COL11A1: variants seen among roughly 807,000 people sequenced by gnomAD.
The protein encoded by COL11A1 is collagen type XI alpha 1 chain, also known as collagen alpha-1(XI) chain.
Under a neutral mutation model 265.2 loss-of-function variants are expected in COL11A1, and 74 were observed. That is an observed-to-expected ratio of 0.28 (90% CI 0.23 to 0.34). COL11A1 has a LOEUF of 0.34. COL11A1 is among the 10% of genes least tolerant of loss of function. The probability of loss-of-function intolerance (pLI) is 1.00; values close to 1 mark genes in which losing one functional copy is unlikely to be tolerated. For missense variants in COL11A1, 2,165 were observed against 2,263.6 expected (o/e 0.96, Z 0.88); for synonymous variants, 816 against 727.6 (o/e 1.12, Z -1.96).
At chr1:102,921,623 C>T (rs1479872239) in intron 47 of COL11A1, 52 bp from the exon 48 acceptor site, 1 of 1,413,460 alleles carries the variant, frequency 7.1e-7, no homozygotes, top group Non-Finnish European at 9.9e-7. Flanking sequence ...AATGTGTTTC[C>T]AACATTTTCA....
intron 14 of COL11A1, among the ~76,000 whole-genome samples, chr1:103,011,421 G>C (rs1666119820): frequency 6.6e-6 from 1 of 151,778 alleles, no homozygotes. Flanking sequence ...TGTTCCCCGT[G>C]AGCTTATATG....
At chr1:102,975,282 A>AT (rs1662360409) in intron 35 of COL11A1, among the ~76,000 whole-genome samples, 1 of 151,110 alleles carries the variant, frequency 6.6e-6, no homozygotes. Context: ...AAAAAAAAAA[A>AT]CTGTTTTAAA....
At chr1:103,042,594 G>A (rs1357729048) in intron 4 of COL11A1, among the ~76,000 whole-genome samples, 2 of 152,010 alleles carry the variant, frequency 1.3e-5, no homozygotes, top group South Asian at 4.1e-4. Flanking sequence ...GTTGGGAAGG[G>A]AAAAAGGTTG....
At chr1:102,951,637 G>C (rs950476527) in intron 41 of COL11A1, among the ~76,000 whole-genome samples, 1 of 152,164 alleles carries the variant, frequency 6.6e-6, no homozygotes, top group African/African-American at 2.4e-5. Flanking sequence ...CTACTCGGGA[G>C]GCTGAGGCAG....
intron 2 of COL11A1, among the ~76,000 whole-genome samples, chr1:103,082,454 C>T (rs915492542): frequency 6.6e-6 from 1 of 151,988 alleles, no homozygotes; most frequent in African/African-American, 2.4e-5. Flanking sequence ...TGAATAAGCT[C>T]TACCTAATTA....
intron 57 of COL11A1, among the ~76,000 whole-genome samples, chr1:102,892,042 A>C (rs758957869): frequency 3.3e-5 from 5 of 152,164 alleles, no homozygotes; most frequent in Admixed American, 2.0e-4. Flanking sequence ...CTGATGCTAA[A>C]AAAATGATTT....
At chr1:103,070,203 T>G (rs2102255778) in intron 4 of COL11A1, among the ~76,000 whole-genome samples, 1 of 86,530 alleles carries the variant, frequency 1.2e-5, no homozygotes, top group African/African-American at 3.9e-5. Flanking sequence ...AAAATCCTAC[T>G]CAGCAAAATA....
Position 103,108,224 on chromosome 1 carries a change from C to A in COL11A1, c.-46G>T. The stretch of plus-strand genomic sequence containing the variant: ...ACTGTGAACTCAACCCACGAAATTG[C>A]GACTGCAGACCAACTTCGTCCTTTC... On this transcript the variant is annotated 5_prime_UTR_variant, in exon 1 of 67. Transcript: ENST00000370096. 1 of 1,458,618 alleles carries A rather than the reference C, an allele frequency of 6.9e-7. No individual in the cohort carries two copies. The highest frequency in any genetic ancestry group is 9.6e-7 in the Non-Finnish European group (1 of 1,040,924). 90.4% of individuals were successfully genotyped at this position (1,458,618 alleles called of 1,614,324 possible).
At chr1:102,934,957 C>G (rs1230868966) in intron 45 of COL11A1, 103 bp downstream of exon 45, 6 of 1,094,632 alleles carry the variant, frequency 5.5e-6, no homozygotes, top group Non-Finnish European at 8.3e-6. Context: ...AACATACAAA[C>G]AAAACTTATT....
Position 103,074,696 on chromosome 1 carries a change from A to T in COL11A1, c.573T>A (p.Asp191Glu), listed in dbSNP as rs775444430. The T allele has an allele frequency of 6.2e-7, 1 of 1,613,404 alleles. No homozygotes were observed. The highest frequency in any genetic ancestry group is 1.7e-5 in the Admixed American group (1 of 59,840). The change falls in exon 4 of 67, where the codon GAT becomes GAA. Residue 191 changes from aspartate (D) to glutamate (E), a missense_variant. Transcript: ENST00000370096. The stretch of plus-strand genomic sequence containing the variant: ...TATCAACAATTGCTCTCTCACTTCT[A>T]TCAAGTGGTTTCGTGGTTTTCTTCT... ...DCKKKTTKPL[D>E]RSERAIVDTN...
At chr1:102,937,376 GTATT>G (rs1658257481) in intron 44 of COL11A1, among the ~76,000 whole-genome samples, 1 of 152,068 alleles carries the variant, frequency 6.6e-6, no homozygotes, top group African/African-American at 2.4e-5. Context: ...TAAATCCATA[GTATT>G]TATTTATAAT....
In COL11A1 at chr1:102,923,349, TC is replaced by T; in HGVS notation, c.3640del (p.Asp1214MetfsTer58). 2 of 1,606,606 alleles carry T rather than the reference TC, an allele frequency of 1.2e-6. No homozygotes were observed. The highest frequency in any genetic ancestry group is 1.7e-6 in the Non-Finnish European group (2 of 1,175,690). ...GPPGEKGENG[D>X]VGPMGPPGPP... ...ATAAAAACTTACCATGGGACCAACA[TC>T]CCCATTTTCACCTTTTTCACCAGGT... On this transcript the variant is annotated frameshift_variant, in exon 47 of 67. Coordinates refer to ENST00000370096, the MANE Select transcript of COL11A1 (RefSeq NM_001854.4). LOFTEE classifies it high-confidence loss of function.
chr1:103,003,706 A>G (rs1665340354), intron 20 of COL11A1, among the ~76,000 whole-genome samples: 2 of 152,196 alleles, frequency 1.3e-5, no homozygotes, highest in African/African-American at 4.8e-5. Context: ...CACTGAGGAA[A>G]GAAAACGATC....
In COL11A1 at chr1:102,974,725, G is replaced by T. The variant is rs1002469493; in HGVS notation, c.2808+105C>A. The T allele has an allele frequency of 1.3e-5, 11 of 834,862 alleles. No homozygotes were observed. The African/African-American group carries it at 1.6e-4, about 12-fold the overall frequency. The allele number at this position is 834,862 out of a possible 1,614,324, so 51.7% of individuals were successfully genotyped here. A position where few individuals can be genotyped will look rare whatever the true frequency, so the allele number is the denominator to read the frequency against. ...TTGACATCAATTGTAATTTTACAGAGATTTTATCAATATTATATCTAACAA... is the reference window on the plus strand; with the variant it reads ...TTGACATCAATTGTAATTTTACAGATATTTTATCAATATTATATCTAACAA... On this transcript the variant is annotated intron_variant, in intron 36 of 66. Coordinates refer to ENST00000370096, the MANE Select transcript of COL11A1 (RefSeq NM_001854.4).
In COL11A1 at chr1:102,946,960, G is replaced by T. The variant is rs2101408711; in HGVS notation, c.3169-4C>A. The T allele has an allele frequency of 2.5e-6, 4 of 1,607,876 alleles. No homozygotes were observed. Among genetic ancestry groups the T allele is most frequent in the Non-Finnish European group, 3.4e-6 (4 of 1,176,158 alleles). On this transcript the variant is annotated splice_region_variant and splice_polypyrimidine_tract_variant and intron_variant, in intron 41 of 66. Coordinates refer to ENST00000370096, the MANE Select transcript of COL11A1 (RefSeq NM_001854.4). ...ACCCACGTTCTCCTGGTGAGCCCTA[G>T]TATACAGGAAAAGAAGTATTTTGTT...
At position 103,008,510 on chromosome 1, in the gene COL11A1, G is replaced by C. The variant is rs777447423; in HGVS notation, c.1636C>G (p.Pro546Ala). The C allele has an allele frequency of 1.2e-6, 2 of 1,613,450 alleles. No individual in the cohort carries two copies. The highest frequency in any genetic ancestry group is 1.7e-6 in the Non-Finnish European group (2 of 1,179,702). The change falls in exon 15 of 67, where the codon CCT (proline) becomes GCT (alanine). Residue 546 changes from proline to alanine, a missense_variant. Physicochemically the swap from Pro to Ala is conservative, Grantham distance 27. Coordinates refer to ENST00000370096, the MANE Select transcript of COL11A1 (RefSeq NM_001854.4). ...LTGRPGPVGG[P>A]GSSGAKGESG... is the part of the protein sequence containing the mutation. ...TCACCTTTGGCCCCAGATGAACCAG[G>C]CCCCCCCTATAGAGAAAAAGTGAAG...
intron 4 of COL11A1, among the ~76,000 whole-genome samples, chr1:103,052,890 T>G (rs186404076): frequency 1.3e-5 from 2 of 152,312 alleles, no homozygotes; most frequent in Admixed American, 1.3e-4. Context: ...ATAAGGAAGC[T>G]GTACATTAAT....
At chr1:103,030,098 A>G (rs553495724) in intron 5 of COL11A1, among the ~76,000 whole-genome samples, 1 of 152,096 alleles carries the variant, frequency 6.6e-6, no homozygotes, top group South Asian at 2.1e-4. Flanking sequence ...GAATTCACAG[A>G]AAACATATTT....
intron 63 of COL11A1, 149 bp from the exon 64 acceptor site, chr1:102,883,460 G>T: frequency 1.5e-6 from 1 of 652,864 alleles, no homozygotes; most frequent in Non-Finnish European, 2.7e-6. Context: ...ATTGGGGTAC[G>T]GTTTTTAATA....
Sources: gnomAD v4.1 joint callset for allele counts (sites outside exome capture counted in the v4.1 genomes callset) on GRCh38, gnomAD v4.1.1 for gene constraint, MANE v1.5 for transcripts, NCBI Gene and HGNC (gene_info 2026-07-23, HGNC 2026-07-21) for gene names.